SEMA3C: variants seen among roughly 807,000 people sequenced by gnomAD.
SEMA3C encodes semaphorin-3C.
SEMA3C carries 47 observed loss-of-function variants against 89.4 expected under a neutral mutation model. The ratio of observed to expected loss-of-function variants is 0.53; its 90% CI spans 0.42 to 0.67. SEMA3C has a LOEUF of 0.67. Ranked by LOEUF, SEMA3C falls within the 30% of genes least tolerant of loss-of-function variation. The pLI is 0.00. For synonymous variants in SEMA3C, 310 were observed against 320.2 expected, an observed-to-expected ratio of 0.97 and a Z score of 0.34; for missense variants, 839 against 929.1, an observed-to-expected ratio of 0.90 and a Z score of 1.26.
intron 2 of SEMA3C, among the ~76,000 whole-genome samples, chr7:80,840,581 GC>G (rs901327401): frequency 1.5e-4 from 22 of 150,152 alleles, no homozygotes; most frequent in African/African-American, 5.4e-4. Flanking sequence ...AATGCCAGGA[GC>G]TAGGTAAAAA....
chr7:80,860,727 A>G (rs1030654844), intron 2 of SEMA3C, among the ~76,000 whole-genome samples: 1 of 152,194 alleles, frequency 6.6e-6, no homozygotes, highest in Non-Finnish European at 1.5e-5. Flanking sequence ...GGATAAGTGC[A>G]TTCAATCAAA....
intron 12 of SEMA3C, among the ~76,000 whole-genome samples, chr7:80,772,703 T>C (rs1457881459): frequency 6.6e-6 from 1 of 151,556 alleles, no homozygotes; most frequent in East Asian, 1.9e-4. Flanking sequence ...AACATGTTTT[T>C]TTTTTTGTTT....
At chr7:80,876,383 A>C (rs1791203957) in intron 2 of SEMA3C, among the ~76,000 whole-genome samples, 1 of 152,170 alleles carries the variant, frequency 6.6e-6, no homozygotes, top group Admixed American at 6.6e-5. Flanking sequence ...GAGGTATATA[A>C]GATGGCACAG....
chr7:80,754,957 G>GTTTTTTTTTTGGTTTTTTTTTT (rs1449995090), intron 15 of SEMA3C, among the ~76,000 whole-genome samples: 3 of 108,364 alleles, frequency 2.8e-5, no homozygotes, highest in South Asian at 6.6e-4. Flanking sequence ...GTTTTTTTTT[G>GTTTTTTTTTTGGTTTTTTTTTT]TTTTTTTTTT....
At chr7:80,757,060 T>G (rs1788082248) in intron 15 of SEMA3C, among the ~76,000 whole-genome samples, 1 of 152,212 alleles carries the variant, frequency 6.6e-6, no homozygotes, top group Non-Finnish European at 1.5e-5. Flanking sequence ...GTGAAAATAT[T>G]TGTTGAACTA....
Position 80,794,763 on chromosome 7 carries a change from T to C in SEMA3C, c.1131+3329A>G, listed in dbSNP as rs531309540. Among the ~76,000 whole-genome samples, 211 of 152,340 alleles carry C rather than the reference T, an allele frequency of 1.4e-3. 1 individual carries two copies. The highest frequency in any genetic ancestry group is 4.4e-3 in the African/African-American group (183 of 41,580). ...CATGTTGCAGCAGAATAATGTAATATGTTTGCTCGGCCACAGAGTTTTCAT... is the reference window on the plus strand; with the variant it reads ...CATGTTGCAGCAGAATAATGTAATACGTTTGCTCGGCCACAGAGTTTTCAT... On this transcript the variant is annotated intron_variant, in intron 11 of 17. Coordinates refer to ENST00000265361, the MANE Select transcript of SEMA3C (RefSeq NM_006379.5).
intron 12 of SEMA3C, among the ~76,000 whole-genome samples, chr7:80,769,999 G>A (rs575090934): frequency 5.3e-5 from 8 of 151,680 alleles, no homozygotes; most frequent in Middle Eastern, 6.8e-3. Context: ...TGAGTTCCCT[G>A]TATGAGGAAT....
intron 2 of SEMA3C, among the ~76,000 whole-genome samples, chr7:80,900,607 T>C (rs1182945852): frequency 1.3e-5 from 2 of 152,206 alleles, no homozygotes; most frequent in East Asian, 3.8e-4. Context: ...GATTTCACAC[T>C]CATGCAGTCA....
intron 2 of SEMA3C, among the ~76,000 whole-genome samples, chr7:80,838,213 A>G (rs1238697700): frequency 6.6e-6 from 1 of 152,116 alleles, no homozygotes; most frequent in Non-Finnish European, 1.5e-5. Context: ...TTAAATTTTT[A>G]GTTTCACCTT....
Position 80,842,963 on chromosome 7 carries a change from T to A in SEMA3C, c.104-14218A>T, listed in dbSNP as rs575963208. The stretch of plus-strand genomic sequence containing the variant: ...AAAAGAACAAAATTATATTTTCACA[T>A]CCAGGTGTAAAATTAATTCAAGTTA... On this transcript the variant is annotated intron_variant, in intron 2 of 17. Transcript: ENST00000265361. Among the ~76,000 whole-genome samples, 11 of 152,232 alleles carry A rather than the reference T, an allele frequency of 7.2e-5. No homozygotes were observed. In the East Asian group the frequency reaches 2.1e-3, roughly 29 times the overall value.
At chr7:80,818,057 TACACAC>T (rs58398775) in intron 5 of SEMA3C, among the ~76,000 whole-genome samples, 11 of 149,434 alleles carry the variant, frequency 7.4e-5, no homozygotes, top group Middle Eastern at 3.4e-3. Flanking sequence ...ACTAAAAGTA[TACACAC>T]ACACACACAC....
chr7:80,851,921 A>G (rs536852810), intron 2 of SEMA3C, among the ~76,000 whole-genome samples: 3 of 152,344 alleles, frequency 2.0e-5, no homozygotes, highest in East Asian at 1.9e-4. Flanking sequence ...AAAAGTAAAG[A>G]TATTAATTTT....
intron 7 of SEMA3C, among the ~76,000 whole-genome samples, chr7:80,804,651 T>A (rs1562883049): frequency 6.6e-6 from 1 of 152,166 alleles, no homozygotes; most frequent in Non-Finnish European, 1.5e-5. Flanking sequence ...AAAACATGAC[T>A]TTTCTTAAAA....
At position 80,742,633 on chromosome 7, in the gene SEMA3C, C is replaced by T. The variant is rs1256993547; in HGVS notation, c.*2261G>A. 3 of 151,886 alleles carry T rather than the reference C, an allele frequency of 2.0e-5. No homozygotes were observed. Among genetic ancestry groups the T allele is most frequent in the African/African-American group, 7.2e-5 (3 of 41,404 alleles). The allele number at this position is 151,886 out of a possible 1,614,324, so 9.4% of individuals were successfully genotyped here. ...CAACTACATTTAGTTTGTTTTCTTA[C>T]ACAGATTGAACATTCACCATTATGA... is the stretch of plus-strand genomic sequence containing the variant. On this transcript the variant is annotated 3_prime_UTR_variant, in exon 18 of 18. Transcript: ENST00000265361.
At chr7:80,902,876 T>C (rs1791916859) in intron 2 of SEMA3C, among the ~76,000 whole-genome samples, 1 of 152,142 alleles carries the variant, frequency 6.6e-6, no homozygotes, top group Non-Finnish European at 1.5e-5. Flanking sequence ...CTTTTCTGCC[T>C]ACGTGAAAAC....
At chr7:80,747,205 G>A (rs896667340) in intron 17 of SEMA3C, among the ~76,000 whole-genome samples, 1 of 151,974 alleles carries the variant, frequency 6.6e-6, no homozygotes, top group Non-Finnish European at 1.5e-5. Flanking sequence ...TGGAAAAAAA[G>A]TCAAAATAGT....
At chr7:80,794,084 T>C (rs1477566297) in intron 11 of SEMA3C, among the ~76,000 whole-genome samples, 1 of 151,982 alleles carries the variant, frequency 6.6e-6, no homozygotes, top group Non-Finnish European at 1.5e-5. Context: ...TTCCTTATAT[T>C]TGCCTCCCCT....
chr7:80,808,642 CAAT>C (rs1789395779), intron 6 of SEMA3C, among the ~76,000 whole-genome samples: 1 of 151,894 alleles, frequency 6.6e-6, no homozygotes, highest in Non-Finnish European at 1.5e-5. Flanking sequence ...ATTTTGAACA[CAAT>C]AATTATTTTT....
chr7:80,913,238 T>C (rs1792194284), intron 2 of SEMA3C, among the ~76,000 whole-genome samples: 1 of 151,970 alleles, frequency 6.6e-6, no homozygotes, highest in Non-Finnish European at 1.5e-5. Flanking sequence ...CTGTCTCTAC[T>C]AAAAGTACAA....
Sources: gnomAD v4.1 joint callset for allele counts (sites outside exome capture counted in the v4.1 genomes callset) on GRCh38, gnomAD v4.1.1 for gene constraint, MANE v1.5 for transcripts, NCBI Gene and HGNC (gene_info 2026-07-23, HGNC 2026-07-21) for gene names.